RFX3: variants seen among roughly 807,000 people sequenced by gnomAD.
The protein encoded by RFX3 is regulatory factor X3.
A neutral mutation model predicts 98.6 loss-of-function variants in RFX3; 14 were observed. That is an observed-to-expected ratio of 0.14 (90% CI 0.09 to 0.22). The LOEUF (loss-of-function observed/expected upper bound fraction) is 0.22. Among genes scored for constraint, RFX3 ranks in the 10% least tolerant of loss-of-function variants. The pLI, the probability that RFX3 is intolerant of heterozygous loss-of-function variation, is 1.00. For missense variants in RFX3, 639 were observed against 926.9 expected, an observed-to-expected ratio of 0.69 and a Z score of 4.03; for synonymous variants, 383 against 328.4, an observed-to-expected ratio of 1.17 and a Z score of -1.80.
chr9:3,504,242 T>G (rs1371987943), intron 1 of RFX3, among the ~76,000 whole-genome samples: 1 of 133,148 alleles, frequency 7.5e-6, no homozygotes, highest in Non-Finnish European at 1.5e-5. Flanking sequence ...ATATATTATA[T>G]ATATATTTTA....
intron 15 of RFX3, chr9:3,247,229 A>G (rs1258121484): frequency 2.1e-6 from 2 of 961,974 alleles, no homozygotes; most frequent in East Asian, 2.5e-4. Context: ...ATTTGCATCT[A>G]TTCCTCATTA....
At chr9:3,263,395 G>T (rs1320517502) in intron 12 of RFX3, among the ~76,000 whole-genome samples, 1 of 152,054 alleles carries the variant, frequency 6.6e-6, no homozygotes, top group Non-Finnish European at 1.5e-5. Context: ...CTTTGAGTAG[G>T]GAAGCAAGAA....
At chr9:3,397,663 C>A (rs1004759436) in intron 1 of RFX3, among the ~76,000 whole-genome samples, 4 of 152,146 alleles carry the variant, frequency 2.6e-5, no homozygotes, top group Non-Finnish European at 5.9e-5. Context: ...GCTTAATTTT[C>A]TTTCTACACT....
chr9:3,470,866 C>T (rs1028169221), intron 1 of RFX3, among the ~76,000 whole-genome samples: 2 of 152,152 alleles, frequency 1.3e-5, no homozygotes, highest in African/African-American at 2.4e-5. Flanking sequence ...TCACAGGGCT[C>T]TTCTAGCATT....
chr9:3,515,005 G>T (rs1818016070), intron 1 of RFX3, among the ~76,000 whole-genome samples: 2 of 152,142 alleles, frequency 1.3e-5, no homozygotes, highest in South Asian at 4.1e-4. Flanking sequence ...ATAATCAGAT[G>T]CCAATCAGCA....
At chr9:3,359,279 G>A (rs2131358900) in intron 2 of RFX3, among the ~76,000 whole-genome samples, 1 of 152,190 alleles carries the variant, frequency 6.6e-6, no homozygotes, top group South Asian at 2.1e-4. Flanking sequence ...TTCTACCAGT[G>A]AGAAGTTAAG....
intron 1 of RFX3, among the ~76,000 whole-genome samples, chr9:3,457,702 T>C (rs1206708452): frequency 6.6e-6 from 1 of 152,188 alleles, no homozygotes; most frequent in Non-Finnish European, 1.5e-5. Context: ...GTCCCAACCT[T>C]TTCTTACTTA....
At chr9:3,406,487 T>C (rs563013862) in intron 1 of RFX3, among the ~76,000 whole-genome samples, 1 of 152,106 alleles carries the variant, frequency 6.6e-6, no homozygotes, top group African/African-American at 2.4e-5. Context: ...ACAGCAATTA[T>C]CACATCTATA....
intron 2 of RFX3, among the ~76,000 whole-genome samples, chr9:3,361,734 G>C (rs1045624350): frequency 6.6e-5 from 10 of 151,104 alleles, no homozygotes; most frequent in African/African-American, 2.4e-4. Context: ...GATTACTGGA[G>C]CCCAGCAGTT....
chr9:3,445,074 A>T (rs1016382306), intron 1 of RFX3, among the ~76,000 whole-genome samples: 5 of 152,212 alleles, frequency 3.3e-5, no homozygotes, highest in Non-Finnish European at 5.9e-5. Context: ...ATCAATACCC[A>T]ACATTTTGAA....
At chr9:3,400,546 G>C (rs567936348) in intron 1 of RFX3, among the ~76,000 whole-genome samples, 1 of 152,312 alleles carries the variant, frequency 6.6e-6, no homozygotes, top group African/African-American at 2.4e-5. Context: ...GGTCATGCCA[G>C]TTGATAAAAA....
In RFX3 at chr9:3,292,061, C is replaced by CA. The variant is rs58788880; in HGVS notation, c.731+1015dup. On this transcript the variant is annotated intron_variant, in intron 6 of 16. Coordinates refer to ENST00000617270, the MANE Select transcript of RFX3 (RefSeq NM_001282116.2). ...ACAGAAACAGAGTGAGACTCCATCTCAAAAAAAAAAAAAAAAAAAAAAAAA... is the reference window on the plus strand; with the variant it reads ...ACAGAAACAGAGTGAGACTCCATCTCAAAAAAAAAAAAAAAAAAAAAAAAAA... Among the ~76,000 whole-genome samples, 71 of 23,946 alleles carry CA rather than the reference C, an allele frequency of 3.0e-3. 19 individuals are homozygous for CA. The highest frequency in any genetic ancestry group is 3.4e-3 in the Non-Finnish European group (44 of 13,020). 15.7% of individuals were successfully genotyped at this position (23,946 alleles called of 152,430 possible).
At chr9:3,496,953 T>C (rs1234844498) in intron 1 of RFX3, among the ~76,000 whole-genome samples, 3 of 152,048 alleles carry the variant, frequency 2.0e-5, no homozygotes, top group Non-Finnish European at 4.4e-5. Context: ...ATGCAAGTAC[T>C]ACAACAAGCC....
intron 2 of RFX3, among the ~76,000 whole-genome samples, chr9:3,365,865 A>C: frequency 6.6e-6 from 1 of 151,922 alleles, no homozygotes; most frequent in Non-Finnish European, 1.5e-5. Flanking sequence ...GAGAGTTAAC[A>C]CTAACTGCCA....
At chr9:3,525,008 G>A (rs1819111360) in intron 1 of RFX3, among the ~76,000 whole-genome samples, 1 of 151,888 alleles carries the variant, frequency 6.6e-6, no homozygotes, top group Admixed American at 6.6e-5. Context: ...GAGAAAGAGG[G>A]GGAGGGAAGA....
intron 1 of RFX3, among the ~76,000 whole-genome samples, chr9:3,508,739 T>C (rs1472122645): frequency 6.6e-6 from 1 of 151,938 alleles, no homozygotes; most frequent in African/African-American, 2.4e-5. Flanking sequence ...CATACTCCTG[T>C]TTTATATAAA....
At chr9:3,453,356 T>C (rs1564120259) in intron 1 of RFX3, among the ~76,000 whole-genome samples, 1 of 151,892 alleles carries the variant, frequency 6.6e-6, no homozygotes, top group African/African-American at 2.4e-5. Context: ...TTCTTCTGCA[T>C]AGAAATGCCC....
chr9:3,344,187 A>G (rs1401722816), intron 3 of RFX3, among the ~76,000 whole-genome samples: 1 of 152,210 alleles, frequency 6.6e-6, no homozygotes, highest in Non-Finnish European at 1.5e-5. Flanking sequence ...ATAATTTTAC[A>G]GCAATAACTA....
intron 1 of RFX3, among the ~76,000 whole-genome samples, chr9:3,400,694 CCA>C (rs925567721): frequency 1.8e-4 from 27 of 152,300 alleles, no homozygotes; most frequent in African/African-American, 5.1e-4. Flanking sequence ...CATATCCCTT[CCA>C]CAGATTAACT....
Sources: allele counts gnomAD v4.1 joint callset (sites outside exome capture counted in the v4.1 genomes callset), GRCh38; gene constraint gnomAD v4.1.1; transcripts MANE v1.5; gene names NCBI Gene and HGNC (gene_info 2026-07-23, HGNC 2026-07-21).